PCSK1: variants seen among roughly 807,000 people sequenced by gnomAD.
PCSK1 encodes neuroendocrine convertase 1.
Under a neutral mutation model 90.6 loss-of-function variants are expected in PCSK1, and 56 were observed. The ratio of observed to expected loss-of-function variants is 0.62; its 90% CI spans 0.50 to 0.77. The LOEUF (loss-of-function observed/expected upper bound fraction) is 0.77. Among genes scored for constraint, PCSK1 ranks in the 30% least tolerant of loss-of-function variants. The pLI, the probability that PCSK1 is intolerant of heterozygous loss-of-function variation, is 0.00. For synonymous variants in PCSK1, 348 were observed against 342.4 expected (o/e 1.02, Z -0.18); for missense variants, 801 against 932.6 (o/e 0.86, Z 1.84).
intron 6 of PCSK1, among the ~76,000 whole-genome samples, 199 bp from the exon 7 acceptor site, chr5:96,412,689 C>T (rs1760795104): frequency 6.8e-6 from 1 of 146,960 alleles, no homozygotes; most frequent in South Asian, 2.1e-4. Context: ...CCCCCATAAG[C>T]TTTTTTGTCG....
chr5:96,414,997 G>A (rs1159015033), intron 6 of PCSK1, among the ~76,000 whole-genome samples: 1 of 152,120 alleles, frequency 6.6e-6, no homozygotes, highest in African/African-American at 2.4e-5. Context: ...GAGTTTAATG[G>A]GGTTTTATTG....
chr5:96,393,455 A>C, intron 13 of PCSK1, 77 bp from the exon 14 acceptor site: 1 of 1,537,354 alleles, frequency 6.5e-7, no homozygotes, highest in Non-Finnish European at 9.0e-7. Flanking sequence ...CAACCCTACC[A>C]CAGGAACGCT....
chr5:96,394,775 T>C, intron 13 of PCSK1, 89 bp downstream of exon 13: 1 of 1,195,438 alleles, frequency 8.4e-7, no homozygotes, highest in East Asian at 2.3e-5. Flanking sequence ...TTTGACTTAT[T>C]TCCTGCTTGG....
At chr5:96,423,808 G>A (rs115029037) in intron 3 of PCSK1, among the ~76,000 whole-genome samples, 3,752 of 152,196 alleles carry the variant, frequency 0.025, 151 homozygotes, top group African/African-American at 0.086. Context: ...TTTGATAGTC[G>A]ATGTTTTCAT....
chr5:96,418,499 A>T (rs1474199587), intron 5 of PCSK1, among the ~76,000 whole-genome samples: 3 of 152,224 alleles, frequency 2.0e-5, no homozygotes, highest in Non-Finnish European at 4.4e-5. Context: ...TGCACTGTTA[A>T]GATTTTATTA....
At chr5:96,411,619 C>T (rs1489750392) in intron 7 of PCSK1, among the ~76,000 whole-genome samples, 4 of 152,138 alleles carry the variant, frequency 2.6e-5, no homozygotes, top group Admixed American at 6.5e-5. Context: ...GAAGGCAACA[C>T]GTTTCTATAT....
chr5:96,398,660 TTGAA>T (rs1233573630), intron 11 of PCSK1, among the ~76,000 whole-genome samples: 2 of 152,194 alleles, frequency 1.3e-5, no homozygotes, highest in African/African-American at 2.4e-5. Flanking sequence ...TTAGCATTAT[TTGAA>T]TGGGCCTCAT....
chr5:96,414,071 G>A (rs1489221000), intron 6 of PCSK1, among the ~76,000 whole-genome samples: 3 of 149,536 alleles, frequency 2.0e-5, no homozygotes, highest in Non-Finnish European at 4.5e-5. Flanking sequence ...CCCGGGAGGC[G>A]GAGCTTGCAG....
At chr5:96,427,600 C>G (rs1292539687) in intron 2 of PCSK1, among the ~76,000 whole-genome samples, 1 of 152,154 alleles carries the variant, frequency 6.6e-6, no homozygotes, top group Non-Finnish European at 1.5e-5. Context: ...ACCCCTCCCC[C>G]ACCAAATCAG....
Position 96,400,029 on chromosome 5 carries a change from A to C in PCSK1, c.1354T>G (p.Leu452Val). The change falls in exon 10 of 14, where the codon TTA (leucine) becomes GTA (valine). Residue 452 changes from leucine to valine, a missense_variant. Leu to Val is a conservative substitution (Grantham distance 32). Coordinates refer to ENST00000311106, the MANE Select transcript of PCSK1 (RefSeq NM_000439.5). ...CTCCTCCAGGTCCTGGGGTCAGCTA[A>C]ATCCACCAGAGCTTTGGCATTTAGC... ...GLLNAKALVDLADPRTWRSVP... is the reference protein window; with the variant it reads ...GLLNAKALVDVADPRTWRSVP... 1 of 1,614,190 alleles carries C rather than the reference A, an allele frequency of 6.2e-7. No individual in the cohort carries two copies. Among genetic ancestry groups the C allele is most frequent in the Non-Finnish European group, 8.5e-7 (1 of 1,180,022 alleles).
chr5:96,432,253 C>T (rs567835930), intron 1 of PCSK1: 4 of 809,070 alleles, frequency 4.9e-6, no homozygotes, highest in Admixed American at 2.4e-5. Flanking sequence ...GTGTCTTTCA[C>T]CCACCATTTC....
intron 2 of PCSK1, among the ~76,000 whole-genome samples, chr5:96,426,446 C>G (rs1226553422): frequency 6.6e-6 from 1 of 152,186 alleles, no homozygotes; most frequent in Non-Finnish European, 1.5e-5. Context: ...GAAACTCCCT[C>G]CCCTGTGCTT....
intron 5 of PCSK1, 66 bp from the exon 6 acceptor site, chr5:96,416,187 G>A: frequency 9.5e-7 from 1 of 1,049,102 alleles, no homozygotes; most frequent in Non-Finnish European, 1.5e-6. Flanking sequence ...GCATATGAAT[G>A]AATTAATGGG....
intron 2 of PCSK1, among the ~76,000 whole-genome samples, chr5:96,427,320 A>G (rs892525368): frequency 7.2e-5 from 11 of 152,240 alleles, no homozygotes; most frequent in Non-Finnish European, 2.9e-5. Context: ...AGAATCATGT[A>G]TTAATCTCTA....
intron 3 of PCSK1, among the ~76,000 whole-genome samples, chr5:96,425,166 CTT>C (rs1761267630): frequency 6.6e-6 from 1 of 152,128 alleles, no homozygotes; most frequent in African/African-American, 2.4e-5. Context: ...GAGAAATAAT[CTT>C]TTATAAAATT....
chr5:96,414,755 G>T (rs997183043), intron 6 of PCSK1, among the ~76,000 whole-genome samples: 1 of 152,150 alleles, frequency 6.6e-6, no homozygotes, highest in African/African-American at 2.4e-5. Flanking sequence ...CGTTCATTAT[G>T]ACTAAAAGAG....
intron 1 of PCSK1, among the ~76,000 whole-genome samples, chr5:96,430,753 C>A (rs1761465836): frequency 6.6e-6 from 1 of 151,940 alleles, no homozygotes; most frequent in Non-Finnish European, 1.5e-5. Context: ...TTAGTAATGC[C>A]ATCTTAACTA....
chr5:96,396,205 C>T (rs1242482554), intron 12 of PCSK1, among the ~76,000 whole-genome samples: 2 of 152,070 alleles, frequency 1.3e-5, no homozygotes, highest in African/African-American at 4.8e-5. Context: ...ATGTAACAAA[C>T]GACTATAGAA....
Position 96,391,036 on chromosome 5 carries a change from G to A in PCSK1, c.*1965C>T, listed in dbSNP as rs1402848042. ...TCTAACTCTTTATTGGCCTTTCCGG[G>A]CCAATCTAAGAATTCTCTGGTCCTT... On this transcript the variant is annotated 3_prime_UTR_variant, in exon 14 of 14. Coordinates refer to ENST00000311106, the MANE Select transcript of PCSK1 (RefSeq NM_000439.5). 1 of 152,424 alleles carries A rather than the reference G, an allele frequency of 6.6e-6. No individual in the cohort carries two copies. The highest frequency in any genetic ancestry group is 1.5e-5 in the Non-Finnish European group (1 of 68,022). 9.4% of individuals were successfully genotyped at this position (152,424 alleles called of 1,614,324 possible).
Sources: allele counts gnomAD v4.1 joint callset (sites outside exome capture counted in the v4.1 genomes callset), GRCh38; gene constraint gnomAD v4.1.1; transcripts MANE v1.5; gene names NCBI Gene and HGNC (gene_info 2026-07-23, HGNC 2026-07-21).